Variants in RBFOX1 observed in about 807,000 individuals in gnomAD.
The protein encoded by RBFOX1 is RNA binding fox-1 homolog 1.
In RBFOX1, 8 loss-of-function variants were observed where a neutral mutation model predicts 57.7. The observed-to-expected ratio is 0.14, with a 90% CI of 0.08 to 0.25. RBFOX1 has a LOEUF of 0.25. Ranked by LOEUF, RBFOX1 falls within the 10% of genes least tolerant of loss-of-function variation. The pLI is 1.00. For missense variants in RBFOX1, 611 were observed against 548.5 expected, an observed-to-expected ratio of 1.11 and a Z score of -1.14; for synonymous variants, 326 against 222.4, an observed-to-expected ratio of 1.47 and a Z score of -4.15.
chr16:6,786,063 C>G (rs1037957552), intron 3 of RBFOX1, among the ~76,000 whole-genome samples: 3 of 152,172 alleles, frequency 2.0e-5, no homozygotes, highest in Non-Finnish European at 2.9e-5. Context: ...GAGGATGTAC[C>G]TGGGGCAGAA....
At chr16:7,366,383 A>G (rs971787355) in intron 4 of RBFOX1, among the ~76,000 whole-genome samples, 6 of 152,194 alleles carry the variant, frequency 3.9e-5, no homozygotes, top group Non-Finnish European at 5.9e-5. Flanking sequence ...GCATGTTTCC[A>G]GGGAAGCTGC....
intron 10 of RBFOX1, among the ~76,000 whole-genome samples, chr16:7,611,156 G>T (rs1009837319): frequency 1.5e-4 from 23 of 152,134 alleles, no homozygotes; most frequent in Non-Finnish European, 2.6e-4. Flanking sequence ...CCAGCCTCCC[G>T]TTGTCTCTCA....
At chr16:6,296,629 C>G (rs2078147154) in intron 1 of RBFOX1, among the ~76,000 whole-genome samples, 1 of 152,246 alleles carries the variant, frequency 6.6e-6, no homozygotes, top group African/African-American at 2.4e-5. Flanking sequence ...ACCGTGTTAG[C>G]TGGGATGGTC....
At chr16:7,484,230 A>C (rs1351505904) in intron 4 of RBFOX1, among the ~76,000 whole-genome samples, 1 of 152,204 alleles carries the variant, frequency 6.6e-6, no homozygotes, top group African/African-American at 2.4e-5. Context: ...GTGTTTATCC[A>C]TTCACCAGAC....
chr16:7,236,755 C>T (rs2093787477), intron 4 of RBFOX1, among the ~76,000 whole-genome samples: 1 of 152,042 alleles, frequency 6.6e-6, no homozygotes, highest in African/African-American at 2.4e-5. Context: ...CTGAATTATT[C>T]AGCAGTCATT....
intron 4 of RBFOX1, among the ~76,000 whole-genome samples, chr16:6,002,083 C>G (rs2060610855): frequency 6.6e-6 from 1 of 151,722 alleles, no homozygotes; most frequent in African/African-American, 2.4e-5. Context: ...GCGATTGTCC[C>G]TCTTCAGCCT....
At chr16:7,189,371 A>G (rs2084754128) in intron 4 of RBFOX1, among the ~76,000 whole-genome samples, 2 of 140,080 alleles carry the variant, frequency 1.4e-5, no homozygotes, top group Admixed American at 8.1e-5. Context: ...GCTTGCAGTG[A>G]GCTGAGATCG....
At chr16:5,448,700 C>A (rs1335233411) in intron 1 of RBFOX1, among the ~76,000 whole-genome samples, 1 of 152,276 alleles carries the variant, frequency 6.6e-6, no homozygotes, top group Middle Eastern at 3.4e-3. Flanking sequence ...GTGAGATACA[C>A]CCACCCCTAA....
At chr16:6,410,209 T>C (rs1210603993) in intron 2 of RBFOX1, among the ~76,000 whole-genome samples, 1 of 149,426 alleles carries the variant, frequency 6.7e-6, no homozygotes, top group East Asian at 2.0e-4. Flanking sequence ...TGTGTGCTGG[T>C]GCATATGAAT....
chr16:5,486,790 T>G (rs548245707), intron 2 of RBFOX1, among the ~76,000 whole-genome samples: 2 of 132,966 alleles, frequency 1.5e-5, no homozygotes, highest in Non-Finnish European at 3.1e-5. Context: ...AAACTCAGTG[T>G]TTTTTTTTTT....
At chr16:7,396,519 C>T (rs2098141526) in intron 4 of RBFOX1, among the ~76,000 whole-genome samples, 1 of 152,228 alleles carries the variant, frequency 6.6e-6, no homozygotes, top group Non-Finnish European at 1.5e-5. Context: ...GACACAGTCA[C>T]TCAGAGTAGC....
At chr16:6,600,535 C>G (rs111552200) in intron 2 of RBFOX1, among the ~76,000 whole-genome samples, 1 of 152,156 alleles carries the variant, frequency 6.6e-6, no homozygotes, top group Non-Finnish European at 1.5e-5. Flanking sequence ...TGGCCAGAGA[C>G]GAACGCTGTG....
chr16:6,268,941 G>A (rs904541014), intron 1 of RBFOX1, among the ~76,000 whole-genome samples: 7 of 152,112 alleles, frequency 4.6e-5, no homozygotes, highest in Non-Finnish European at 8.8e-5. Flanking sequence ...ATATAAAATG[G>A]CATAGTGTTT....
At chr16:6,986,674 C>T (rs2090357437) in intron 3 of RBFOX1, among the ~76,000 whole-genome samples, 3 of 152,114 alleles carry the variant, frequency 2.0e-5, no homozygotes, top group South Asian at 4.2e-4. Flanking sequence ...CCTTCCTCTC[C>T]CTCCCCTTCT....
At chr16:5,398,282 T>C (rs937306889) in intron 1 of RBFOX1, among the ~76,000 whole-genome samples, 2 of 151,680 alleles carry the variant, frequency 1.3e-5, no homozygotes, top group East Asian at 1.9e-4. Context: ...TGCTGGTGTG[T>C]GTGCATGTGT....
intron 2 of RBFOX1, among the ~76,000 whole-genome samples, chr16:6,530,261 T>G (rs1184245130): frequency 2.0e-5 from 3 of 152,086 alleles, no homozygotes; most frequent in African/African-American, 7.2e-5. Flanking sequence ...CAAAGAGTCA[T>G]AGCTCTCAAG....
intron 4 of RBFOX1, among the ~76,000 whole-genome samples, chr16:7,209,120 C>G (rs2090591994): frequency 6.7e-6 from 1 of 150,294 alleles, no homozygotes; most frequent in South Asian, 2.1e-4. Context: ...CGTGGTGAAA[C>G]TCTGTCTCTA....
At position 7,284,194 on chromosome 16, in the gene RBFOX1, T is replaced by C. The variant is rs148640679; in HGVS notation, c.27+232096T>C. On this transcript the variant is annotated intron_variant, in intron 4 of 15. Transcript: ENST00000550418. ...TTCACTAGTTGAAGGGCGGTTGTGTTGTTTCCAGTTTTTGCTGATTATGAA... is the reference window on the plus strand; with the variant it reads ...TTCACTAGTTGAAGGGCGGTTGTGTCGTTTCCAGTTTTTGCTGATTATGAA... Among the ~76,000 whole-genome samples the C allele has an allele frequency of 2.0e-3, 308 of 152,380 alleles. 2 individuals are homozygous for C. Among genetic ancestry groups the C allele is most frequent in the Non-Finnish European group, 3.4e-3 (232 of 68,036 alleles).
intron 2 of RBFOX1, among the ~76,000 whole-genome samples, chr16:6,427,654 A>G (rs571154002): frequency 1.3e-5 from 2 of 152,322 alleles, no homozygotes; most frequent in East Asian, 3.9e-4. Flanking sequence ...TTTGCAAACA[A>G]TTGTATTACC....
Sources: gnomAD v4.1 joint callset for allele counts (sites outside exome capture counted in the v4.1 genomes callset) on GRCh38, gnomAD v4.1.1 for gene constraint, MANE v1.5 for transcripts, NCBI Gene and HGNC (gene_info 2026-07-23, HGNC 2026-07-21) for gene names.